PRKAR2B: variants seen among roughly 807,000 people sequenced by gnomAD.
PRKAR2B encodes the protein cAMP-dependent protein kinase type II-beta regulatory subunit.
Under a neutral mutation model 49.9 loss-of-function variants are expected in PRKAR2B, and 14 were observed. The ratio of observed to expected loss-of-function variants is 0.28; its 90% CI spans 0.19 to 0.44. PRKAR2B has a LOEUF of 0.44. PRKAR2B is among the 20% of genes least tolerant of loss of function. The pLI is 1.00. For missense variants in PRKAR2B, 393 were observed against 537.9 expected, an observed-to-expected ratio of 0.73 and a Z score of 2.67; for synonymous variants, 196 against 197.7, an observed-to-expected ratio of 0.99 and a Z score of 0.07.
chr7:107,065,267 C>T (rs1485526161), intron 1 of PRKAR2B, among the ~76,000 whole-genome samples: 2 of 151,448 alleles, frequency 1.3e-5, no homozygotes, highest in African/African-American at 4.9e-5. Flanking sequence ...ACTAACACAG[C>T]TCCAGTGTAG....
intron 2 of PRKAR2B, among the ~76,000 whole-genome samples, chr7:107,083,799 A>AATGG (rs1794561909): frequency 1.3e-5 from 2 of 151,808 alleles, no homozygotes; most frequent in African/African-American, 4.8e-5. Flanking sequence ...ATTTAGTGGA[A>AATGG]ATGGAGTTTC....
intron 5 of PRKAR2B, among the ~76,000 whole-genome samples, chr7:107,141,478 G>A (rs915706823): frequency 2.6e-5 from 4 of 152,150 alleles, no homozygotes; most frequent in Non-Finnish European, 5.9e-5. Flanking sequence ...ATCACTTGAG[G>A]TCAGGAGTTC....
At position 107,092,272 on chromosome 7, in the gene PRKAR2B, T is replaced by TGC. The variant is rs1387323723; in HGVS notation, c.343+21957_343+21958insCG. ...GTGTGTGTGTGTGTGTGTGTGTGCG[T>TGC]GTGTCTGTGTGTGTGTGTGTGTCAC... is the stretch of plus-strand genomic sequence containing the variant. On this transcript the variant is annotated intron_variant, in intron 2 of 10. Coordinates refer to ENST00000265717, the MANE Select transcript of PRKAR2B (RefSeq NM_002736.3). Among the ~76,000 whole-genome samples, 3 of 141,774 alleles carry TGC rather than the reference T, an allele frequency of 2.1e-5. No individual in the cohort carries two copies. The Admixed American group carries it at 2.1e-4, about 10-fold the overall frequency. 93.0% of individuals were successfully genotyped at this position (141,774 alleles called of 152,430 possible).
intron 5 of PRKAR2B, 78 bp from the exon 6 acceptor site, chr7:107,146,229 CA>C: frequency 7.2e-7 from 1 of 1,397,620 alleles, no homozygotes; most frequent in Non-Finnish European, 9.8e-7. Flanking sequence ...TTTTATTTCA[CA>C]GGGCTCTTTT....
At chr7:107,122,891 G>C (rs761756746) in intron 3 of PRKAR2B, among the ~76,000 whole-genome samples, 1 of 152,078 alleles carries the variant, frequency 6.6e-6, no homozygotes, top group African/African-American at 2.4e-5. Context: ...CCACTACCAG[G>C]GTTGTGGAAG....
At chr7:107,154,464 C>T (rs540505676) in intron 8 of PRKAR2B, among the ~76,000 whole-genome samples, 44 of 152,008 alleles carry the variant, frequency 2.9e-4, no homozygotes, top group Non-Finnish European at 6.5e-4. Context: ...TCAGAACACT[C>T]GAAAACTTAA....
At chr7:107,091,776 A>G (rs941133848) in intron 2 of PRKAR2B, 1 of 152,184 alleles carries the variant, frequency 6.6e-6, no homozygotes, top group African/African-American at 2.4e-5. Flanking sequence ...GTGGCTTCCT[A>G]TGGGATTTTC....
At chr7:107,071,938 G>A (rs960260558) in intron 2 of PRKAR2B, among the ~76,000 whole-genome samples, 7 of 151,702 alleles carry the variant, frequency 4.6e-5, no homozygotes, top group East Asian at 1.9e-4. Flanking sequence ...GCGTGGTGGC[G>A]GGCACCTGTA....
intron 1 of PRKAR2B, among the ~76,000 whole-genome samples, chr7:107,050,182 A>C (rs1793774444): frequency 6.6e-6 from 1 of 152,134 alleles, no homozygotes; most frequent in Admixed American, 6.5e-5. Context: ...GCAAGAGAGA[A>C]GTAAAACCAG....
At chr7:107,054,079 T>G (rs1244421015) in intron 1 of PRKAR2B, among the ~76,000 whole-genome samples, 1 of 152,162 alleles carries the variant, frequency 6.6e-6, no homozygotes, top group Non-Finnish European at 1.5e-5. Flanking sequence ...CCGTGTGTGG[T>G]GGCTCACAGC....
intron 2 of PRKAR2B, among the ~76,000 whole-genome samples, chr7:107,118,374 A>C (rs1361666907): frequency 6.6e-6 from 1 of 151,994 alleles, no homozygotes; most frequent in Non-Finnish European, 1.5e-5. Context: ...ATACAAGTAC[A>C]TTATTGTGAG....
chr7:107,063,015 T>C (rs564097247), intron 1 of PRKAR2B, among the ~76,000 whole-genome samples: 1 of 152,328 alleles, frequency 6.6e-6, no homozygotes, highest in East Asian at 1.9e-4. Context: ...ATTTGCTGTT[T>C]TTTTTTGAAA....
intron 2 of PRKAR2B, among the ~76,000 whole-genome samples, chr7:107,078,825 T>A (rs1368647973): frequency 6.6e-6 from 1 of 152,196 alleles, no homozygotes; most frequent in Non-Finnish European, 1.5e-5. Flanking sequence ...AATTGCATTT[T>A]CCCAGAGTTC....
intron 2 of PRKAR2B, chr7:107,079,521 C>T (rs1794474740): frequency 6.6e-6 from 1 of 152,128 alleles, no homozygotes; most frequent in Non-Finnish European, 1.5e-5. Flanking sequence ...GAATGGTGCC[C>T]TTGAGTTGTC....
At chr7:107,048,726 GT>G (rs1793747646) in intron 1 of PRKAR2B, among the ~76,000 whole-genome samples, 1 of 152,176 alleles carries the variant, frequency 6.6e-6, no homozygotes, top group African/African-American at 2.4e-5. Context: ...ATGGGTGAAG[GT>G]CATCTTCTTT....
rs371338338 is a variant in PRKAR2B at position 107,156,754 on chromosome 7, C to G, written c.919-230C>G. 9.3e-5 allele frequency among the ~76,000 whole-genome samples: 14 copies of G among 151,084 alleles called. 1 individual carries two copies. In the East Asian group the frequency reaches 1.2e-3, roughly 13 times the overall value. ...CCGGGAGGTGGAGCTTGTAGTGAGC[C>G]GAGATCGCGCCACTGCATTCCAGTC... On this transcript the variant is annotated intron_variant, in intron 8 of 10. Transcript: ENST00000265717.
intron 2 of PRKAR2B, among the ~76,000 whole-genome samples, chr7:107,095,401 G>A (rs1794816603): frequency 6.6e-6 from 1 of 152,032 alleles, no homozygotes; most frequent in East Asian, 1.9e-4. Context: ...GGAGATTTTG[G>A]GCTGAGACGA....
chr7:107,110,555 G>A (rs1220238777), intron 2 of PRKAR2B, among the ~76,000 whole-genome samples: 1 of 151,720 alleles, frequency 6.6e-6, no homozygotes, highest in Non-Finnish European at 1.5e-5. Flanking sequence ...ACTTTGTCTT[G>A]CATCTTTGAT....
At chr7:107,056,645 A>AT (rs1212031304) in intron 1 of PRKAR2B, among the ~76,000 whole-genome samples, 1 of 151,898 alleles carries the variant, frequency 6.6e-6, no homozygotes, top group East Asian at 1.9e-4. Context: ...AATGCTTGTG[A>AT]TTTTTTCACA....
Sources: gnomAD v4.1 joint callset for allele counts (sites outside exome capture counted in the v4.1 genomes callset) on GRCh38, gnomAD v4.1.1 for gene constraint, MANE v1.5 for transcripts, NCBI Gene and HGNC (gene_info 2026-07-23, HGNC 2026-07-21) for gene names.